The following SEMA5A variants were observed in gnomAD, a reference collection of about 807,000 sequenced individuals.
The protein encoded by SEMA5A is semaphorin 5A, also known as semaphorin-5A.
SEMA5A carries 55 observed loss-of-function variants against 135.5 expected under a neutral mutation model. That is an observed-to-expected ratio of 0.41 (90% CI 0.33 to 0.51). The LOEUF is 0.51. SEMA5A is among the 20% of genes least tolerant of loss of function. The pLI, the probability that SEMA5A is intolerant of heterozygous loss-of-function variation, is 0.37. For missense variants in SEMA5A, 1,290 were observed against 1,419.9 expected, an observed-to-expected ratio of 0.91 and a Z score of 1.47; for synonymous variants, 580 against 546.5, an observed-to-expected ratio of 1.06 and a Z score of -0.85.
chr5:9,142,009 C>T (rs1742089973), intron 12 of SEMA5A, among the ~76,000 whole-genome samples: 1 of 152,210 alleles, frequency 6.6e-6, no homozygotes, highest in African/African-American at 2.4e-5. Context: ...TCAGCACATA[C>T]TTACGAGCAC....
chr5:9,042,868 T>TTTACAAGA lies in SEMA5A; in HGVS notation c.*21_*28dup. The TTTACAAGA allele has an allele frequency of 6.2e-7, 1 of 1,613,298 alleles. No homozygotes were observed. Among genetic ancestry groups the TTTACAAGA allele is most frequent in the Non-Finnish European group, 8.5e-7 (1 of 1,179,544 alleles). ...GGCACAGGCCTTGAGGAACTGGGGA[T>TTTACAAGA]TTACAAGAAGCCAAAAACATGAAAG... On this transcript the variant is annotated 3_prime_UTR_variant, in exon 23 of 23. Transcript: ENST00000382496.
chr5:9,216,499 A>T (rs1458250079), intron 8 of SEMA5A, among the ~76,000 whole-genome samples: 2 of 152,164 alleles, frequency 1.3e-5, no homozygotes, highest in Non-Finnish European at 2.9e-5. Flanking sequence ...TGTATATCAG[A>T]TTCATTTGGT....
Position 9,066,416 on chromosome 5 carries a change from C to G in SEMA5A, c.2299+5G>C. The G allele has an allele frequency of 6.2e-7, 1 of 1,613,826 alleles. No individual in the cohort carries two copies. Among genetic ancestry groups the G allele is most frequent in the Non-Finnish European group, 8.5e-7 (1 of 1,179,674 alleles). ...TGGGTCAGTCCCCACGGAATCACTA[C>G]TCACCATCTGTGGAGCAGCCACTGG... On this transcript the variant is annotated splice_donor_5th_base_variant and intron_variant, in intron 17 of 22. Transcript: ENST00000382496.
intron 11 of SEMA5A, among the ~76,000 whole-genome samples, chr5:9,162,229 A>C (rs1271847192): frequency 1.3e-5 from 2 of 152,098 alleles, no homozygotes; most frequent in Non-Finnish European, 2.9e-5. Context: ...AAACAGAAAC[A>C]CTGCGGCCAA....
chr5:9,143,630 T>C (rs958403916), intron 12 of SEMA5A, among the ~76,000 whole-genome samples: 3 of 152,134 alleles, frequency 2.0e-5, no homozygotes, highest in African/African-American at 7.2e-5. Context: ...TTCAGGAAAA[T>C]TGATAATTTA....
intron 2 of SEMA5A, among the ~76,000 whole-genome samples, chr5:9,400,020 A>G (rs899146537): frequency 2.0e-5 from 3 of 152,228 alleles, no homozygotes; most frequent in Non-Finnish European, 4.4e-5. Flanking sequence ...AACATCTATG[A>G]AGCTGTGAAC....
intron 1 of SEMA5A, among the ~76,000 whole-genome samples, chr5:9,444,855 C>T (rs923474678): frequency 6.6e-6 from 1 of 152,120 alleles, no homozygotes. Context: ...GGTTTGCCCG[C>T]ACCGGCCTGA....
At chr5:9,172,481 T>C (rs1480023671) in intron 11 of SEMA5A, among the ~76,000 whole-genome samples, 1 of 152,200 alleles carries the variant, frequency 6.6e-6, no homozygotes, top group Non-Finnish European at 1.5e-5. Flanking sequence ...ATGAAGTTTC[T>C]ACTCTGACAA....
chr5:9,198,360 G>A (rs939006320), intron 9 of SEMA5A, among the ~76,000 whole-genome samples: 5 of 152,246 alleles, frequency 3.3e-5, no homozygotes, highest in African/African-American at 9.6e-5. Flanking sequence ...GCACAACGAG[G>A]ACAAGACCCT....
chr5:9,320,216 T>C (rs968698684), intron 4 of SEMA5A, among the ~76,000 whole-genome samples: 2 of 152,294 alleles, frequency 1.3e-5, no homozygotes, highest in Non-Finnish European at 2.9e-5. Context: ...ACCTCTGATA[T>C]ACCCCAAGAG....
At chr5:9,333,605 C>A (rs1753256165) in intron 4 of SEMA5A, among the ~76,000 whole-genome samples, 1 of 152,184 alleles carries the variant, frequency 6.6e-6, no homozygotes. Context: ...AGTGTTATCA[C>A]TGCCATTCCT....
At chr5:9,132,068 A>C (rs568072382) in intron 13 of SEMA5A, among the ~76,000 whole-genome samples, 1 of 152,358 alleles carries the variant, frequency 6.6e-6, no homozygotes, top group East Asian at 1.9e-4. Flanking sequence ...AACTGAGAGT[A>C]ATGTTTTCAA....
At chr5:9,410,218 G>T (rs1757054730) in intron 2 of SEMA5A, among the ~76,000 whole-genome samples, 1 of 152,120 alleles carries the variant, frequency 6.6e-6, no homozygotes, top group South Asian at 2.1e-4. Flanking sequence ...GATCATGTAG[G>T]TCTATTAAGA....
chr5:9,297,618 G>GA (rs1313963941), intron 5 of SEMA5A, among the ~76,000 whole-genome samples: 1 of 152,020 alleles, frequency 6.6e-6, no homozygotes, highest in Non-Finnish European at 1.5e-5. Context: ...GTAGTGGCAT[G>GA]ATCTTGGCTC....
intron 5 of SEMA5A, among the ~76,000 whole-genome samples, chr5:9,239,730 C>T (rs1482563123): frequency 1.3e-5 from 2 of 151,914 alleles, no homozygotes; most frequent in Non-Finnish European, 2.9e-5. Flanking sequence ...TTCAGTATTA[C>T]ATATCACCAA....
chr5:9,044,522 T>TGAG lies in SEMA5A; in HGVS notation c.2953_2955dup (p.Leu985dup). 1 of 1,613,820 alleles carries TGAG rather than the reference T, an allele frequency of 6.2e-7. No homozygotes were observed. Among genetic ancestry groups the TGAG allele is most frequent in the Non-Finnish European group, 8.5e-7 (1 of 1,179,994 alleles). ...TGGCAGTAAGTATAGACGAGCAGGG[T>TGAG]GAGGAGGCAGCCGAGGATGGAGCTG... is the stretch of plus-strand genomic sequence containing the variant. On this transcript the variant is annotated inframe_insertion, in exon 22 of 23. Coordinates refer to ENST00000382496, the MANE Select transcript of SEMA5A (RefSeq NM_003966.3).
At chr5:9,525,992 C>T (rs1467560333) in intron 1 of SEMA5A, among the ~76,000 whole-genome samples, 4 of 152,140 alleles carry the variant, frequency 2.6e-5, no homozygotes, top group South Asian at 2.1e-4. Flanking sequence ...AGTAATTACA[C>T]TTTAAAGATT....
chr5:9,166,151 T>C (rs1579524605), intron 11 of SEMA5A, among the ~76,000 whole-genome samples: 1 of 152,290 alleles, frequency 6.6e-6, no homozygotes, highest in East Asian at 1.9e-4. Flanking sequence ...TTAAACCATA[T>C]TCTCATAGCC....
At chr5:9,187,237 A>G (rs187209259) in intron 11 of SEMA5A, among the ~76,000 whole-genome samples, 5 of 152,332 alleles carry the variant, frequency 3.3e-5, no homozygotes, top group Admixed American at 3.3e-4. Flanking sequence ...AAAACTGAAT[A>G]TCATTCTTAA....
Sources: allele counts gnomAD v4.1 joint callset (sites outside exome capture counted in the v4.1 genomes callset), GRCh38; gene constraint gnomAD v4.1.1; transcripts MANE v1.5; gene names NCBI Gene and HGNC (gene_info 2026-07-23, HGNC 2026-07-21).